The following KCND2 variants were observed in gnomAD, a reference collection of about 807,000 sequenced individuals.
KCND2 encodes the protein potassium voltage-gated channel subfamily D member 2.
A neutral mutation model predicts 54.4 loss-of-function variants in KCND2; 16 were observed. The observed-to-expected ratio is 0.29, with a 90% confidence interval of 0.20 to 0.45. The LOEUF (loss-of-function observed/expected upper bound fraction) is 0.45. Among genes scored for constraint, KCND2 ranks in the 20% least tolerant of loss-of-function variants. The pLI, the probability that KCND2 is intolerant of heterozygous loss-of-function variation, is 1.00. For missense variants in KCND2, 486 were observed against 824.2 expected, an observed-to-expected ratio of 0.59 and a Z score of 5.02; for synonymous variants, 317 against 310.7, an observed-to-expected ratio of 1.02 and a Z score of -0.21.
At chr7:120,465,615 G>C (rs777379739) in intron 1 of KCND2, among the ~76,000 whole-genome samples, 1 of 152,148 alleles carries the variant, frequency 6.6e-6, no homozygotes, top group African/African-American at 2.4e-5. Flanking sequence ...TAGTTTGCAT[G>C]TGTTCAGTTT....
chr7:120,676,924 G>A (rs1792067790), intron 1 of KCND2, among the ~76,000 whole-genome samples: 1 of 152,208 alleles, frequency 6.6e-6, no homozygotes, highest in Non-Finnish European at 1.5e-5. Flanking sequence ...TATCTGAAGT[G>A]ATCTAATTGG....
intron 1 of KCND2, among the ~76,000 whole-genome samples, chr7:120,525,722 C>T (rs535255514): frequency 6.6e-6 from 1 of 152,220 alleles, no homozygotes; most frequent in South Asian, 2.1e-4. Flanking sequence ...AGCGTAAAGC[C>T]ATTTATCCAT....
chr7:120,519,161 C>T (rs1036881192), intron 1 of KCND2, among the ~76,000 whole-genome samples: 5 of 151,944 alleles, frequency 3.3e-5, no homozygotes, highest in African/African-American at 9.7e-5. Flanking sequence ...AAACCCTTCT[C>T]TACTAACAAT....
At chr7:120,364,877 C>T (rs906782154) in intron 1 of KCND2, among the ~76,000 whole-genome samples, 9 of 152,008 alleles carry the variant, frequency 5.9e-5, no homozygotes, top group Non-Finnish European at 1.0e-4. Flanking sequence ...CAAAGAATTG[C>T]ACAGATGGGC....
At chr7:120,694,075 A>T (rs1453355461) in intron 1 of KCND2, among the ~76,000 whole-genome samples, 2 of 152,154 alleles carry the variant, frequency 1.3e-5, no homozygotes, top group African/African-American at 4.8e-5. Context: ...ATAGACAAAA[A>T]GGATCTTTCC....
intron 1 of KCND2, among the ~76,000 whole-genome samples, chr7:120,278,151 G>C (rs1306574990): frequency 2.0e-5 from 3 of 151,902 alleles, no homozygotes; most frequent in African/African-American, 2.4e-5. Flanking sequence ...ATAGAAAAAT[G>C]TCTTTAATTT....
intron 1 of KCND2, among the ~76,000 whole-genome samples, chr7:120,565,521 C>A (rs1792285703): frequency 1.3e-5 from 2 of 152,186 alleles, no homozygotes; most frequent in African/African-American, 4.8e-5. Context: ...AGTTGTGTAA[C>A]AAGGTTTCTC....
chr7:120,725,436 A>G (rs1584897423), intron 1 of KCND2, among the ~76,000 whole-genome samples: 1 of 152,152 alleles, frequency 6.6e-6, no homozygotes, highest in Non-Finnish European at 1.5e-5. Context: ...ATAATTTATG[A>G]AATTTGTGGG....
chr7:120,426,359 C>A (rs1801705741), intron 1 of KCND2, among the ~76,000 whole-genome samples: 1 of 152,044 alleles, frequency 6.6e-6, no homozygotes. Context: ...AATAGGATTT[C>A]TTCATGTTCC....
At chr7:120,368,277 T>C (rs907164566) in intron 1 of KCND2, among the ~76,000 whole-genome samples, 4 of 152,084 alleles carry the variant, frequency 2.6e-5, no homozygotes, top group African/African-American at 9.7e-5. Context: ...AACTGCTAAT[T>C]GCTAGTTGAG....
In KCND2 at chr7:120,559,310, G is replaced by C. The variant is rs1376669042; in HGVS notation, c.1116-173593G>C. Among the ~76,000 whole-genome samples the C allele has an allele frequency of 2.0e-5, 3 of 152,206 alleles. No individual in the cohort carries two copies. The East Asian group carries it at 5.8e-4, about 29-fold the overall frequency. ...ATAGATAGAATTAGCCGAGTGTGTT[G>C]TATTTGCCAGGCATTGTGCACACAC... On this transcript the variant is annotated intron_variant, in intron 1 of 5. Transcript: ENST00000331113.
chr7:120,445,330 A>C, intron 1 of KCND2, among the ~76,000 whole-genome samples: 1 of 152,200 alleles, frequency 6.6e-6, no homozygotes. Flanking sequence ...TTCAGGATGG[A>C]CTACATAGAA....
chr7:120,637,152 A>G (rs779668668), intron 1 of KCND2, among the ~76,000 whole-genome samples: 1 of 152,282 alleles, frequency 6.6e-6, no homozygotes, highest in African/African-American at 2.4e-5. Context: ...TGCCAAAAAA[A>G]GTTTGCTAAA....
chr7:120,509,657 G>T (rs1791398471), intron 1 of KCND2, among the ~76,000 whole-genome samples: 1 of 151,842 alleles, frequency 6.6e-6, no homozygotes, highest in Non-Finnish European at 1.5e-5. Flanking sequence ...ATTTGTACAT[G>T]GAATAAGAGC....
intron 1 of KCND2, among the ~76,000 whole-genome samples, chr7:120,579,457 C>T (rs913763518): frequency 6.6e-6 from 1 of 151,750 alleles, no homozygotes; most frequent in Non-Finnish European, 1.5e-5. Context: ...CAAAAATTAG[C>T]TGGGCATGGT....
At chr7:120,388,999 G>C (rs752414103) in intron 1 of KCND2, among the ~76,000 whole-genome samples, 1 of 151,048 alleles carries the variant, frequency 6.6e-6, no homozygotes, top group Non-Finnish European at 1.5e-5. Context: ...ACATTTTGTT[G>C]CCATGCTGGT....
At chr7:120,447,778 A>C (rs1337782089) in intron 1 of KCND2, among the ~76,000 whole-genome samples, 1 of 152,116 alleles carries the variant, frequency 6.6e-6, no homozygotes, top group African/African-American at 2.4e-5. Context: ...AAGCATCTTA[A>C]ATTCTTTTGG....
chr7:120,513,425 A>G (rs1428958967), intron 1 of KCND2, among the ~76,000 whole-genome samples: 1 of 152,118 alleles, frequency 6.6e-6, no homozygotes, highest in Non-Finnish European at 1.5e-5. Flanking sequence ...TATCCCACTT[A>G]TGATACAGAT....
At chr7:120,615,981 C>T (rs1447788632) in intron 1 of KCND2, among the ~76,000 whole-genome samples, 3 of 152,124 alleles carry the variant, frequency 2.0e-5, no homozygotes, top group African/African-American at 7.2e-5. Context: ...GCCTTTACTT[C>T]TGTTTATCCT....
Sources: gnomAD v4.1 joint callset for allele counts (sites outside exome capture counted in the v4.1 genomes callset) on GRCh38, gnomAD v4.1.1 for gene constraint, MANE v1.5 for transcripts, NCBI Gene and HGNC (gene_info 2026-07-23, HGNC 2026-07-21) for gene names.